The following DGKG variants were observed in gnomAD, a reference collection of about 807,000 sequenced individuals.
DGKG encodes DAG kinase gamma.
A neutral mutation model predicts 105.3 loss-of-function variants in DGKG; 78 were observed. The observed-to-expected ratio is 0.74, with a 90% CI of 0.62 to 0.89. DGKG has a LOEUF of 0.89. Ranked by LOEUF, DGKG falls within the 40% of genes least tolerant of loss-of-function variation. The probability of loss-of-function intolerance (pLI) is 0.00; values close to 1 mark genes in which losing one functional copy is unlikely to be tolerated. For synonymous variants in DGKG, 346 were observed against 367.1 expected (o/e 0.94, Z 0.66); for missense variants, 958 against 1,020.1 (o/e 0.94, Z 0.83).
chr3:186,361,488 C>T lies in DGKG; in HGVS notation c.-249+458G>A, dbSNP rs570362745. Among the ~76,000 whole-genome samples the T allele has an allele frequency of 9.2e-5, 14 of 152,278 alleles. No individual in the cohort carries two copies. The highest frequency in any genetic ancestry group is 2.9e-4 in the African/African-American group (12 of 41,570). Reference sequence around the variant, plus strand: ...TGCGCAGGGGCTTTGTGGAGTGCCCCCAAAGTCCTAGAACCCCGCGGGACG... The same window carrying T: ...TGCGCAGGGGCTTTGTGGAGTGCCCTCAAAGTCCTAGAACCCCGCGGGACG... On this transcript the variant is annotated intron_variant, in intron 1 of 24. Coordinates refer to ENST00000265022, the MANE Select transcript of DGKG (RefSeq NM_001346.3). The surrounding 1 kb of genome is among the most constrained non-coding windows in gnomAD (Gnocchi z 6.8).
intron 24 of DGKG, among the ~76,000 whole-genome samples, chr3:186,154,644 CA>C (rs60767699): frequency 0.017 from 686 of 39,982 alleles, no homozygotes; most frequent in African/African-American, 0.038. Context: ...GACTCTGTCT[CA>C]AAAAAAAAAA....
rs151216470 is a variant in DGKG at position 186,346,376 on chromosome 3, T to C, written c.-249+15570A>G. ...CTCTAGTGCCCTCTTATGAGGATTC[T>C]AGTCTACTAAAATATTCTTTTAGGC... On this transcript the variant is annotated intron_variant, in intron 1 of 24. Coordinates refer to ENST00000265022, the MANE Select transcript of DGKG (RefSeq NM_001346.3). Among the ~76,000 whole-genome samples the C allele has an allele frequency of 3.0e-3, 460 of 152,352 alleles. 3 individuals carry two copies. The highest frequency in any genetic ancestry group is 0.01 in the African/African-American group (436 of 41,574).
At chr3:186,232,961 C>T (rs1017651152) in intron 20 of DGKG, among the ~76,000 whole-genome samples, 2 of 152,138 alleles carry the variant, frequency 1.3e-5, no homozygotes, top group African/African-American at 2.4e-5. Flanking sequence ...CACTGATGTG[C>T]CCGACTCTGT....
intron 8 of DGKG, 117 bp from the exon 9 acceptor site, chr3:186,280,090 C>A: frequency 7.5e-7 from 1 of 1,341,296 alleles, no homozygotes; most frequent in Non-Finnish European, 1.0e-6. Flanking sequence ...CCCCTTTCCC[C>A]TCCTGTTAAG....
intron 22 of DGKG, among the ~76,000 whole-genome samples, chr3:186,175,702 C>T (rs1016074243): frequency 2.0e-5 from 3 of 152,044 alleles, no homozygotes; most frequent in Admixed American, 1.3e-4. Flanking sequence ...GACTCCGCAG[C>T]CTAGAGCTTT....
At chr3:186,267,798 G>A in intron 12 of DGKG, 21 bp from the exon 13 acceptor site, 1 of 1,607,564 alleles carries the variant, frequency 6.2e-7, no homozygotes, top group Non-Finnish European at 8.5e-7. Flanking sequence ...AAATGAAAAA[G>A]AGAGTGAGTG....
intron 2 of DGKG, among the ~76,000 whole-genome samples, chr3:186,312,962 G>C (rs181252720): frequency 2.0e-5 from 3 of 152,352 alleles, no homozygotes; most frequent in African/African-American, 4.8e-5. Flanking sequence ...TCCCCAGCAT[G>C]CAGCCCATTG....
At position 186,341,648 on chromosome 3, in the gene DGKG, C is replaced by T. The variant is rs183098459; in HGVS notation, c.-249+20298G>A. ...TAGAGAAGTGTCTGTTCATGTCCTT[C>T]GCCCACTTTTTGATGGGGTTGTTTG... On this transcript the variant is annotated intron_variant, in intron 1 of 24. Transcript: ENST00000265022. Among the ~76,000 whole-genome samples the T allele has an allele frequency of 1.1e-3, 167 of 152,278 alleles. No individual in the cohort carries two copies. The Middle Eastern group carries it at 0.014, about 12-fold the overall frequency.
intron 15 of DGKG, among the ~76,000 whole-genome samples, chr3:186,261,003 C>T (rs934018050): frequency 4.3e-4 from 66 of 152,212 alleles, no homozygotes; most frequent in African/African-American, 1.3e-3. Flanking sequence ...GGAGGGAGGG[C>T]GCTGAGAGGC....
intron 20 of DGKG, among the ~76,000 whole-genome samples, chr3:186,221,816 A>G (rs1257621196): frequency 6.6e-6 from 1 of 152,148 alleles, no homozygotes; most frequent in Non-Finnish European, 1.5e-5. Context: ...AACTGTCTGG[A>G]GGAGCAGAGG....
At chr3:186,190,862 CT>C (rs1309496445) in intron 21 of DGKG, among the ~76,000 whole-genome samples, 1 of 152,204 alleles carries the variant, frequency 6.6e-6, no homozygotes, top group East Asian at 1.9e-4. Flanking sequence ...ACCGAGCACT[CT>C]CCTTGGTCAG....
rs112936817 is a variant in DGKG at position 186,361,834 on chromosome 3, G to T, written c.-249+112C>A. 0.13 allele frequency: 19,429 copies of T among 152,418 alleles called. 1,337 individuals carry two copies. The highest frequency in any genetic ancestry group is 0.2 in the African/African-American group (8,213 of 41,448). 9.4% of individuals were successfully genotyped at this position (152,418 alleles called of 1,614,324 possible). A position where few individuals can be genotyped will look rare whatever the true frequency, so the allele number is the denominator to read the frequency against. On this transcript the variant is annotated intron_variant, in intron 1 of 24. Transcript: ENST00000265022. The surrounding 1 kb of genome is among the most constrained non-coding windows in gnomAD (Gnocchi z 6.8). ...GGTGGGCGCCGTGGCTTTGGCTGCA[G>T]CCCCTTCCCTGGCCGCGGGACCGGC...
At chr3:186,172,318 C>T (rs977023289) in intron 22 of DGKG, among the ~76,000 whole-genome samples, 2 of 152,190 alleles carry the variant, frequency 1.3e-5, no homozygotes, top group Non-Finnish European at 2.9e-5. Context: ...TCCACTTCCC[C>T]TTCCATCAGC....
Position 186,150,157 on chromosome 3 carries a change from A to G in DGKG, c.2309T>C (p.Met770Thr), listed in dbSNP as rs1715687516. 1.9e-6 allele frequency: 3 copies of G among 1,613,362 alleles called. No homozygotes were observed. The highest frequency in any genetic ancestry group is 2.2e-5 in the South Asian group (2 of 90,902). The change falls in exon 25 of 25, where the codon ATG (methionine) becomes ACG (threonine). Residue 770 changes from methionine (M) to threonine (T), a missense_variant. Around this residue, in one of 2 missense-constraint regions of DGKG, gnomAD observed 315 missense variants for 400.6 expected, o/e 0.79. Transcript: ENST00000265022. ...IKITHKNQAP[M>T]MMGPPQKSSF... ...GCTCTTCTGGGGAGGCCCCATCATC[A>G]TGGGCGCTTGGTTCTTGTGAGTAAT...
At chr3:186,296,460 C>T (rs1269315187) in intron 5 of DGKG, among the ~76,000 whole-genome samples, 1 of 152,198 alleles carries the variant, frequency 6.6e-6, no homozygotes, top group Non-Finnish European at 1.5e-5. Flanking sequence ...AGTATGGTAA[C>T]CTTCACCTCT....
At chr3:186,283,567 C>T (rs191171355) in intron 7 of DGKG, among the ~76,000 whole-genome samples, 1 of 152,286 alleles carries the variant, frequency 6.6e-6, no homozygotes, top group Admixed American at 6.5e-5. Flanking sequence ...AGCACCCATC[C>T]CTACCTGACA....
At chr3:186,187,388 G>C (rs1003345517) in intron 22 of DGKG, among the ~76,000 whole-genome samples, 11 of 152,234 alleles carry the variant, frequency 7.2e-5, no homozygotes, top group Non-Finnish European at 1.0e-4. Flanking sequence ...GATAAAAAGG[G>C]GAGTCAAGGA....
At chr3:186,273,150 C>A (rs1426718349) in intron 10 of DGKG, among the ~76,000 whole-genome samples, 1 of 152,124 alleles carries the variant, frequency 6.6e-6, no homozygotes, top group Non-Finnish European at 1.5e-5. Flanking sequence ...TTCTCTTTCT[C>A]TTTGCAGGGA....
At chr3:186,320,186 A>T (rs1181633963) in intron 2 of DGKG, among the ~76,000 whole-genome samples, 1 of 152,162 alleles carries the variant, frequency 6.6e-6, no homozygotes, top group Admixed American at 6.5e-5. Context: ...GCAAATTTCT[A>T]TGGTGAGCAC....
Sources: allele counts gnomAD v4.1 joint callset (sites outside exome capture counted in the v4.1 genomes callset), GRCh38; gene constraint gnomAD v4.1.1; regional missense constraint gnomAD v4.1.1; non-coding constraint Gnocchi (gnomAD v3.1); transcripts MANE v1.5; gene names NCBI Gene and HGNC (gene_info 2026-07-23, HGNC 2026-07-21).